MACROD2: variants seen among roughly 807,000 people sequenced by gnomAD.
The protein encoded by MACROD2 is ADP-ribose glycohydrolase MACROD2.
In MACROD2, 36 loss-of-function variants were observed where a neutral mutation model predicts 70.4. That is an observed-to-expected ratio of 0.51 (90% CI 0.39 to 0.68). MACROD2 has a LOEUF of 0.68. Ranked by LOEUF, MACROD2 falls within the 30% of genes least tolerant of loss-of-function variation. The probability of loss-of-function intolerance (pLI) is 0.00; values close to 1 mark genes in which losing one functional copy is unlikely to be tolerated. For missense variants in MACROD2, 496 were observed against 538.4 expected (o/e 0.92, Z 0.78); for synonymous variants, 172 against 178.8 (o/e 0.96, Z 0.30).
At chr20:15,532,120 T>C (rs1484622853) in intron 8 of MACROD2, among the ~76,000 whole-genome samples, 1 of 152,282 alleles carries the variant, frequency 6.6e-6, no homozygotes. Flanking sequence ...GACATTTTAA[T>C]GAAACATTTT....
chr20:14,610,709 G>A (rs1445216347), intron 4 of MACROD2, among the ~76,000 whole-genome samples: 3 of 152,022 alleles, frequency 2.0e-5, no homozygotes, highest in Non-Finnish European at 4.4e-5. Context: ...GCCTAGCATT[G>A]TATGAGGGTT....
intron 4 of MACROD2, among the ~76,000 whole-genome samples, chr20:14,587,406 G>A (rs1216115441): frequency 1.3e-5 from 2 of 151,548 alleles, no homozygotes; most frequent in Non-Finnish European, 3.0e-5. Flanking sequence ...AATTATTATT[G>A]TTATATTGGT....
intron 5 of MACROD2, among the ~76,000 whole-genome samples, chr20:14,841,189 C>G (rs1391505083): frequency 2.6e-5 from 4 of 151,902 alleles, no homozygotes; most frequent in Non-Finnish European, 4.4e-5. Flanking sequence ...AGTTAAATGA[C>G]TGATGTTCTA....
At chr20:15,170,780 T>A (rs1410359240) in intron 5 of MACROD2, among the ~76,000 whole-genome samples, 11 of 152,262 alleles carry the variant, frequency 7.2e-5, no homozygotes, top group Non-Finnish European at 2.9e-5. Context: ...GGGAAGAAAC[T>A]TTAGGGTTAG....
At chr20:15,629,362 G>A (rs1253992024) in intron 8 of MACROD2, among the ~76,000 whole-genome samples, 2 of 152,136 alleles carry the variant, frequency 1.3e-5, no homozygotes, top group African/African-American at 4.8e-5. Flanking sequence ...CTCTCCCACT[G>A]CATCATTCTC....
chr20:14,621,581 ATGT>A (rs1983829240), intron 4 of MACROD2, among the ~76,000 whole-genome samples: 1 of 152,160 alleles, frequency 6.6e-6, no homozygotes, highest in Non-Finnish European at 1.5e-5. Context: ...AACATGGGAA[ATGT>A]TGTTGCTAAG....
chr20:14,897,622 C>T (rs185920262), intron 5 of MACROD2, among the ~76,000 whole-genome samples: 15 of 151,942 alleles, frequency 9.9e-5, no homozygotes, highest in Admixed American at 5.9e-4. Flanking sequence ...GACTTTGGCT[C>T]ATTTAAATGG....
chr20:14,859,055 A>G (rs1266026937), intron 5 of MACROD2, among the ~76,000 whole-genome samples: 2 of 152,008 alleles, frequency 1.3e-5, no homozygotes, highest in Non-Finnish European at 2.9e-5. Flanking sequence ...GAATGATATA[A>G]TGGACTCTGG....
intron 7 of MACROD2, among the ~76,000 whole-genome samples, chr20:15,495,469 A>C (rs2047285480): frequency 6.6e-6 from 1 of 152,228 alleles, no homozygotes; most frequent in Non-Finnish European, 1.5e-5. Flanking sequence ...CCAGGGATGA[A>C]AAGGGATATT....
At chr20:14,928,772 ATCT>A (rs1422334311) in intron 5 of MACROD2, among the ~76,000 whole-genome samples, 1 of 152,196 alleles carries the variant, frequency 6.6e-6, no homozygotes, top group Non-Finnish European at 1.5e-5. Flanking sequence ...CCCAACCCAC[ATCT>A]TCTCAAATTC....
At chr20:15,861,127 G>C (rs1258991554) in intron 8 of MACROD2, among the ~76,000 whole-genome samples, 1 of 152,202 alleles carries the variant, frequency 6.6e-6, no homozygotes, top group East Asian at 1.9e-4. Context: ...CAGTCTAACA[G>C]CCTCCCAATT....
At chr20:15,246,141 C>T (rs1440255506) in intron 6 of MACROD2, among the ~76,000 whole-genome samples, 1 of 152,150 alleles carries the variant, frequency 6.6e-6, no homozygotes, top group African/African-American at 2.4e-5. Flanking sequence ...AGTGTCAAAG[C>T]TATTACTACA....
At chr20:14,978,364 C>T (rs6043046) in intron 5 of MACROD2, among the ~76,000 whole-genome samples, 2,153 of 100,202 alleles carry the variant, frequency 0.021, 47 homozygotes, top group African/African-American at 0.069. Context: ...TAGTCCCCCT[C>T]TCCGCGCCCC....
At chr20:14,194,304 GC>G (rs2081412438) in intron 3 of MACROD2, among the ~76,000 whole-genome samples, 1 of 152,176 alleles carries the variant, frequency 6.6e-6, no homozygotes, top group African/African-American at 2.4e-5. Context: ...GAGTTCAGTT[GC>G]TTTTGTTTAT....
At chr20:14,021,621 C>T (rs1378424976) in intron 2 of MACROD2, among the ~76,000 whole-genome samples, 2 of 152,162 alleles carry the variant, frequency 1.3e-5, no homozygotes, top group Non-Finnish European at 2.9e-5. Context: ...AACCTCAGAG[C>T]TTCCTATTTC....
chr20:15,735,415 C>A (rs527267922), intron 8 of MACROD2, among the ~76,000 whole-genome samples: 2 of 152,294 alleles, frequency 1.3e-5, no homozygotes, highest in African/African-American at 4.8e-5. Flanking sequence ...TTTAGTTTAA[C>A]ACAAGCCACT....
At chr20:14,504,885 G>A (rs2084952237) in intron 4 of MACROD2, among the ~76,000 whole-genome samples, 1 of 151,942 alleles carries the variant, frequency 6.6e-6, no homozygotes, top group Admixed American at 6.6e-5. Context: ...TCATTATTCG[G>A]TGTACAACTT....
Position 13,995,850 on chromosome 20 carries a change from G to GGGGGGGGGGGGGGGGGGGGGGGGT in MACROD2, c.46+41_46+42insGGGGGGGGGGGGGGGGGGGGGGGT. 1 of 505,102 alleles carries GGGGGGGGGGGGGGGGGGGGGGGGT rather than the reference G, an allele frequency of 2.0e-6. No homozygotes were observed. Among genetic ancestry groups the GGGGGGGGGGGGGGGGGGGGGGGGT allele is most frequent in the Non-Finnish European group, 3.8e-6 (1 of 266,322 alleles). 31.3% of individuals were successfully genotyped at this position (505,102 alleles called of 1,614,324 possible). A position where few individuals can be genotyped will look rare whatever the true frequency, so the allele number is the denominator to read the frequency against. Reference sequence around the variant, plus strand: ...AGTCCTGGGGGTGCGGGCGGTGGGGGTTAGGGTGGGGGCGGGGGTCAGGCT... The same window carrying GGGGGGGGGGGGGGGGGGGGGGGGT: ...AGTCCTGGGGGTGCGGGCGGTGGGGGGGGGGGGGGGGGGGGGGGGGGGGTTTAGGGTGGGGGCGGGGGTCAGGCT... On this transcript the variant is annotated intron_variant, in intron 1 of 17. Transcript: ENST00000684519. The surrounding 1 kb of genome is among the most constrained non-coding windows in gnomAD (Gnocchi z 4.3).
chr20:15,777,531 TTCCTTCCTTCCTTCCTTC>T (rs2051746115), intron 8 of MACROD2, among the ~76,000 whole-genome samples: 1 of 23,676 alleles, frequency 4.2e-5, no homozygotes, highest in Non-Finnish European at 1.0e-4. Flanking sequence ...CCTTCCTTCC[TTCCTTCCTTCCTTCCTTC>T]CTTCCTTCCT....
Sources: allele counts gnomAD v4.1 joint callset (sites outside exome capture counted in the v4.1 genomes callset), GRCh38; gene constraint gnomAD v4.1.1; non-coding constraint Gnocchi (gnomAD v3.1); transcripts MANE v1.5; gene names NCBI Gene and HGNC (gene_info 2026-07-23, HGNC 2026-07-21).